The following YIPF3 variants were observed in gnomAD, a reference collection of about 807,000 sequenced individuals.
YIPF3 encodes the protein protein YIPF3.
In YIPF3, 18 loss-of-function variants were observed where a neutral mutation model predicts 40.3. The observed-to-expected ratio is 0.45, with a 90% CI of 0.31 to 0.66. The LOEUF (loss-of-function observed/expected upper bound fraction) is 0.66. YIPF3 is among the 30% of genes least tolerant of loss of function. The pLI is 0.07. For synonymous variants in YIPF3, 190 were observed against 179.6 expected (o/e 1.06, Z -0.46); for missense variants, 406 against 452.2 (o/e 0.90, Z 0.93).
rs1582176366 is a variant in YIPF3 at position 43,516,483 on chromosome 6, G to C, written c.81+244C>G. 2.4e-5 allele frequency: 15 copies of C among 627,606 alleles called. 1 individual carries two copies. The highest frequency in any genetic ancestry group is 4.2e-4 in the Middle Eastern group (1 of 2,394). The allele number at this position is 627,606 out of a possible 1,614,324, so 38.9% of individuals were successfully genotyped here. A position where few individuals can be genotyped will look rare whatever the true frequency, so the allele number is the denominator to read the frequency against. On this transcript the variant is annotated intron_variant, in intron 1 of 8. Coordinates refer to ENST00000372422, the MANE Select transcript of YIPF3 (RefSeq NM_015388.4). ...CTTACCCCGACCAACCTCCTAACTT[G>C]TTCCAAGAATACCTTCTTCCTAATG...
chr6:43,515,140 G>A (rs12661262), intron 3 of YIPF3: 51,355 of 371,916 alleles, frequency 0.14, 7,593 homozygotes, highest in African/African-American at 0.51. Flanking sequence ...CTGGGACTAC[G>A]GGCACCCGCC....
At chr6:43,514,066 C>G (rs1792724991) in intron 3 of YIPF3, among the ~76,000 whole-genome samples, 1 of 152,188 alleles carries the variant, frequency 6.6e-6, no homozygotes, top group Non-Finnish European at 1.5e-5. Context: ...ATGGTGAAAC[C>G]CTGTCTCTAC....
At position 43,512,837 on chromosome 6, in the gene YIPF3, A is replaced by C. The variant is rs765222908; in HGVS notation, c.704T>G (p.Ile235Ser). 1 of 1,614,024 alleles carries C rather than the reference A, an allele frequency of 6.2e-7. No homozygotes were observed. Among genetic ancestry groups the C allele is most frequent in the Admixed American group, 1.7e-5 (1 of 60,004 alleles). The change falls in exon 7 of 9, where the codon ATC (isoleucine) becomes AGC (serine). Residue 235 changes from isoleucine to serine, a missense_variant. Coordinates refer to ENST00000372422, the MANE Select transcript of YIPF3 (RefSeq NM_015388.4). ...GGCGTGGAGGTGGATATTATAGGTG[A>C]TGAACAGGACAATGCAATGCCCAAA... ...GLFGHCIVLF[I>S]TYNIHLHALF...
chr6:43,512,938 G>C, intron 6 of YIPF3, 64 bp from the exon 7 acceptor site: 1 of 1,594,352 alleles, frequency 6.3e-7, no homozygotes, highest in Non-Finnish European at 8.6e-7. Flanking sequence ...CCCCTCATGG[G>C]GACCCTGGGA....
intron 3 of YIPF3, 159 bp from the exon 4 acceptor site, chr6:43,513,792 G>C (rs1792718571): frequency 6.5e-6 from 4 of 611,182 alleles, no homozygotes; most frequent in African/African-American, 3.7e-5. Context: ...AAGACAGATA[G>C]GGAATGAGGA....
At chr6:43,516,368 ATTTCCTTC>A in intron 1 of YIPF3, 1 of 736,066 alleles carries the variant, frequency 1.4e-6, no homozygotes, top group South Asian at 2.1e-5. Context: ...AAAAGTGCCC[ATTTCCTTC>A]TTTCCTAAGC....
At position 43,511,955 on chromosome 6, in the gene YIPF3, AT is replaced by A; in HGVS notation, c.*211del. ...TCAAAGGAGCTGACCCATTTTCTGC[AT>A]TGGCTGCAGAGCCTTGCAGTCCTGG... On this transcript the variant is annotated 3_prime_UTR_variant, in exon 9 of 9. Coordinates refer to ENST00000372422, the MANE Select transcript of YIPF3 (RefSeq NM_015388.4). The A allele has an allele frequency of 1.5e-6, 1 of 686,114 alleles. No homozygotes were observed. Among genetic ancestry groups the A allele is most frequent in the East Asian group, 3.1e-5 (1 of 32,720 alleles). 42.5% of individuals were successfully genotyped at this position (686,114 alleles called of 1,614,324 possible).
chr6:43,516,840 G>A lies in YIPF3; in HGVS notation c.-33C>T, dbSNP rs748174468. ...GAGGGCTCCCGTCGCTGAAACCCGC[G>A]CTAGCCCCGCGCGCGGAGTGGGCAA... On this transcript the variant is annotated 5_prime_UTR_variant, in exon 1 of 9. Coordinates refer to ENST00000372422, the MANE Select transcript of YIPF3 (RefSeq NM_015388.4). The A allele has an allele frequency of 2.3e-5, 35 of 1,555,456 alleles. No homozygotes were observed. The highest frequency in any genetic ancestry group is 3.0e-5 in the Non-Finnish European group (35 of 1,149,078).
chr6:43,514,542 T>C (rs1383882753), intron 3 of YIPF3, among the ~76,000 whole-genome samples: 1 of 152,216 alleles, frequency 6.6e-6, no homozygotes, highest in African/African-American at 2.4e-5. Flanking sequence ...AGGTTTTACT[T>C]CCTCTGGGAA....
At chr6:43,512,366 G>A in intron 8 of YIPF3, 51 bp from the exon 9 acceptor site, 2 of 1,613,860 alleles carry the variant, frequency 1.2e-6, no homozygotes, top group African/African-American at 2.7e-5. Flanking sequence ...CAGCCCACCA[G>A]CCATCATATC....
Position 43,512,732 on chromosome 6 carries a change from C to CA in YIPF3, c.780+28dup, listed in dbSNP as rs765907484. The CA allele has an allele frequency of 8.1e-6, 13 of 1,603,030 alleles. No homozygotes were observed. The African/African-American group carries it at 1.7e-4, about 21-fold the overall frequency. The stretch of plus-strand genomic sequence containing the variant: ...TCCCCAACTCCCTGGGAGGACAGCC[C>CA]ACCCCTGGAAGCCTCTTGCCCAGCT... On this transcript the variant is annotated intron_variant, in intron 7 of 8. Coordinates refer to ENST00000372422, the MANE Select transcript of YIPF3 (RefSeq NM_015388.4).
At chr6:43,513,918 G>A (rs1315726185) in intron 3 of YIPF3, 2 of 311,396 alleles carry the variant, frequency 6.4e-6, no homozygotes, top group African/African-American at 2.1e-5. Context: ...AGGAGGGCCC[G>A]ACCATGTATC....
chr6:43,516,614 A>C, intron 1 of YIPF3, 113 bp downstream of exon 1: 1 of 1,273,402 alleles, frequency 7.9e-7, no homozygotes, highest in Non-Finnish European at 1.1e-6. Context: ...AGACCCAAAG[A>C]AGAGAGTTTT....
intron 7 of YIPF3, 55 bp downstream of exon 7, chr6:43,512,706 T>C: frequency 1.3e-6 from 2 of 1,583,234 alleles, no homozygotes; most frequent in Non-Finnish European, 8.6e-7. Flanking sequence ...CCAGGCTGTC[T>C]TCCCCAACTC....
rs771991230 is a variant in YIPF3 at position 43,512,279 on chromosome 6, G to C, written c.941C>G (p.Pro314Arg). Residue 314 changes from proline to arginine, a missense_variant, in exon 9 of 9, where the codon CCC becomes CGC. Pro to Arg is a moderately radical substitution (Grantham distance 103). Coordinates refer to ENST00000372422, the MANE Select transcript of YIPF3 (RefSeq NM_015388.4). Reference sequence around the variant, plus strand: ...GATGTCTCTGGGGACCCTCTGGATGGGCGGGATGTTGGGGCCCTCCAGTGT... The same window carrying C: ...GATGTCTCTGGGGACCCTCTGGATGCGCGGGATGTTGGGGCCCTCCAGTGT... ...LDTLEGPNIP[P>R]IQRVPRDIPA... 21 of 1,611,882 alleles carry C rather than the reference G, an allele frequency of 1.3e-5. No homozygotes were observed. Among genetic ancestry groups the C allele is most frequent in the Non-Finnish European group, 1.6e-5 (19 of 1,178,820 alleles).
In YIPF3 at chr6:43,512,483, G is replaced by A; in HGVS notation, c.861C>T (p.Leu287=). ...AGGCAAAATGCAGATAGAGCAGGAA[G>A]AGCATGTGTAGGGCAGCCAGGGTGC... The part of the protein sequence containing the change: ...LCGTLAALHM[L]FLLYLHFAYH... Residue 287 remains leucine, a synonymous_variant, in exon 8 of 9, where the codon CTC becomes CTT. Transcript: ENST00000372422. 2 of 1,614,058 alleles carry A rather than the reference G, an allele frequency of 1.2e-6. No homozygotes were observed. Among genetic ancestry groups the A allele is most frequent in the Non-Finnish European group, 1.7e-6 (2 of 1,180,036 alleles).
chr6:43,516,317 T>G, intron 1 of YIPF3: 1 of 1,054,746 alleles, frequency 9.5e-7, no homozygotes, highest in Non-Finnish European at 1.3e-6. Context: ...CTTCCATTCA[T>G]GTCTTTCTCC....
At position 43,513,576 on chromosome 6, in the gene YIPF3, C is replaced by T. The variant is rs977508197; in HGVS notation, c.441+12G>A. 6.3e-7 allele frequency: 1 copy of T among 1,589,152 alleles called. No individual in the cohort carries two copies. The highest frequency in any genetic ancestry group is 1.2e-5 in the South Asian group (1 of 86,782). On this transcript the variant is annotated intron_variant, in intron 4 of 8. Transcript: ENST00000372422. ...TTCCCCCGGCTCTCCAGACATGCCACCCTCTATTCACCTGGGGGAAGTTGA... is the reference window on the plus strand; with the variant it reads ...TTCCCCCGGCTCTCCAGACATGCCATCCTCTATTCACCTGGGGGAAGTTGA...
chr6:43,512,641 G>A, intron 7 of YIPF3, 78 bp from the exon 8 acceptor site: 1 of 1,546,104 alleles, frequency 6.5e-7, no homozygotes, highest in Non-Finnish European at 8.7e-7. Flanking sequence ...ACCCAGGGCA[G>A]AACCATCTTT....
Sources: gnomAD v4.1 joint callset for allele counts (sites outside exome capture counted in the v4.1 genomes callset) on GRCh38, gnomAD v4.1.1 for gene constraint, MANE v1.5 for transcripts, NCBI Gene and HGNC (gene_info 2026-07-23, HGNC 2026-07-21) for gene names.